Variants in MYH1 observed in about 807,000 individuals in gnomAD.
MYH1 encodes myosin heavy chain 1.
MYH1 carries 214 observed loss-of-function variants against 225.6 expected under a neutral mutation model. The ratio of observed to expected loss-of-function variants is 0.95; its 90% CI spans 0.85 to 1.06. The LOEUF is 1.06. MYH1 is among the 50% of genes least tolerant of loss of function. The probability of loss-of-function intolerance (pLI) is 0.00; values close to 1 mark genes in which losing one functional copy is unlikely to be tolerated. For synonymous variants in MYH1, 774 were observed against 842.3 expected, an observed-to-expected ratio of 0.92 and a Z score of 1.40; for missense variants, 2,098 against 2,344.2, an observed-to-expected ratio of 0.89 and a Z score of 2.17.
chr17:10,516,157 T>C, intron 4 of MYH1, 42 bp downstream of exon 4: 1 of 1,613,638 alleles, frequency 6.2e-7, no homozygotes, highest in Non-Finnish European at 8.5e-7. Context: ...TCAAAAACTA[T>C]TAACTACTCT....
intron 16 of MYH1, 47 bp downstream of exon 16, chr17:10,508,313 CTAG>C (rs1325986195): frequency 8.5e-6 from 13 of 1,529,474 alleles, no homozygotes; most frequent in Non-Finnish European, 1.1e-5. Flanking sequence ...TGTCTGGCCT[CTAG>C]TTATGTTTTA....
intron 36 of MYH1, 36 bp downstream of exon 36, chr17:10,495,156 T>C: frequency 6.2e-7 from 1 of 1,614,174 alleles, no homozygotes; most frequent in East Asian, 2.2e-5. Context: ...ACATTAAGAT[T>C]TAAGTTTGAC....
rs1311378802 is a variant in MYH1, at chr17:10,501,063, A to G, written c.3738+47T>C. 5 of 1,601,822 alleles carry G rather than the reference A, an allele frequency of 3.1e-6. No individual in the cohort carries two copies. The East Asian group carries it at 1.1e-4, about 36-fold the overall frequency. On this transcript the variant is annotated intron_variant, in intron 27 of 39. Coordinates refer to ENST00000226207, the MANE Select transcript of MYH1 (RefSeq NM_005963.4). ...GAGATACAAATCATATTTGTGCTAA[A>G]GGGAAAAACAAAAAACCAAATAATC... is the stretch of plus-strand genomic sequence containing the variant.
rs370250979 is a variant in MYH1, at chr17:10,501,929, A to G, written c.3112-18T>C. 7.0e-5 allele frequency: 111 copies of G among 1,594,238 alleles called. 1 individual carries two copies. Among genetic ancestry groups the G allele is most frequent in the Non-Finnish European group, 8.9e-5 (104 of 1,173,642 alleles). On this transcript the variant is annotated intron_variant, in intron 24 of 39. Coordinates refer to ENST00000226207, the MANE Select transcript of MYH1 (RefSeq NM_005963.4). ...CCTTCAAGCTAAAAGTTAATAATCC[A>G]TGAATATGGTTCTTAGAATGGTAGC...
chr17:10,498,851 T>C, intron 29 of MYH1, 29 bp from the exon 30 acceptor site: 2 of 1,612,386 alleles, frequency 1.2e-6, no homozygotes, highest in Non-Finnish European at 8.5e-7. Context: ...ATGACTTAAT[T>C]TTATATATTT....
rs1445033072 is a variant in MYH1, at chr17:10,508,352, T to C, written c.1897+11A>G. 1 of 1,580,862 alleles carries C rather than the reference T, an allele frequency of 6.3e-7. No individual in the cohort carries two copies. The highest frequency in any genetic ancestry group is 8.6e-7 in the Non-Finnish European group (1 of 1,164,576). ...TACATTAGGTAAAAGATTAATTATA[T>C]TGATAATTACCTGCTTCCGCTCCCG... On this transcript the variant is annotated intron_variant, in intron 16 of 39. Coordinates refer to ENST00000226207, the MANE Select transcript of MYH1 (RefSeq NM_005963.4).
At chr17:10,498,287 C>T (rs898053791) in intron 30 of MYH1, among the ~76,000 whole-genome samples, 1 of 152,228 alleles carries the variant, frequency 6.6e-6, no homozygotes. Flanking sequence ...AGAGTCTGTA[C>T]TGTACTAATC....
At chr17:10,516,792 TG>T in intron 2 of MYH1, 110 bp from the exon 3 acceptor site, 1 of 897,938 alleles carries the variant, frequency 1.1e-6, no homozygotes. Context: ...AGCATTGCAT[TG>T]GGTATGACCA....
At chr17:10,496,665 T>A in intron 33 of MYH1, 116 bp from the exon 34 acceptor site, 1 of 1,485,168 alleles carries the variant, frequency 6.7e-7, no homozygotes, top group Non-Finnish European at 9.1e-7. Context: ...TAAGTAGTAG[T>A]AAGATTTAAA....
chr17:10,492,846 G>GTTTTTTT (rs61147841), intron 39 of MYH1, among the ~76,000 whole-genome samples: 3 of 146,504 alleles, frequency 2.0e-5, no homozygotes, highest in South Asian at 2.2e-4. Context: ...GTCCAGCTTT[G>GTTTTTTT]TTTTTTTTTT....
rs775824066 is a variant in MYH1 at position 10,498,828 on chromosome 17, A to G, written c.3985-6T>C. On this transcript the variant is annotated splice_region_variant and splice_polypyrimidine_tract_variant and intron_variant, in intron 29 of 39. Coordinates refer to ENST00000226207, the MANE Select transcript of MYH1 (RefSeq NM_005963.4). The stretch of plus-strand genomic sequence containing the variant: ...TGTGCCAGGGCACTCTTGGCCTGAG[A>G]ACATAGAGATTGATGACTTAATTTT... 1 of 1,614,074 alleles carries G rather than the reference A, an allele frequency of 6.2e-7. No individual in the cohort carries two copies. The highest frequency in any genetic ancestry group is 8.5e-7 in the Non-Finnish European group (1 of 1,179,978).
Position 10,497,892 on chromosome 17 carries a change from C to A in MYH1, c.4207G>T (p.Asp1403Tyr). The change falls in exon 31 of 40, where the codon GAT becomes TAT. Residue 1403 changes from aspartate (D) to tyrosine (Y), a missense_variant. Physicochemically the swap from Asp to Tyr is radical, Grantham distance 160 (BLOSUM62 -3). Transcript: ENST00000226207. ...ACAGCTTCTACATGTTCCTCAGCAT[C>A]CTGCAGACGCTGAGCCAGCTTCTTC... Reference protein sequence around the residue: ...AKKKLAQRLQDAEEHVEAVNA... With the variant: ...AKKKLAQRLQYAEEHVEAVNA... 1.9e-6 allele frequency: 3 copies of A among 1,604,594 alleles called. No individual in the cohort carries two copies. The highest frequency in any genetic ancestry group is 1.7e-6 in the Non-Finnish European group (2 of 1,177,832).
Position 10,515,955 on chromosome 17 carries a change from G to A in MYH1, c.476C>T (p.Ser159Phe). The change falls in exon 5 of 40, where the codon TCT becomes TTT. Residue 159 changes from serine to phenylalanine, a missense_variant. Transcript: ENST00000226207. ...CAGCATGAACTGATAGGCATTGTCA[G>A]AGATGGAGAAGATGTGGGGTGGGGC... is the stretch of plus-strand genomic sequence containing the variant. Reference protein sequence around the residue: ...QEAPPHIFSISDNAYQFMLTD... With the variant: ...QEAPPHIFSIFDNAYQFMLTD... The A allele has an allele frequency of 4.3e-6, 7 of 1,614,212 alleles. No homozygotes were observed. Among genetic ancestry groups the A allele is most frequent in the Non-Finnish European group, 5.9e-6 (7 of 1,180,038 alleles).
chr17:10,494,223 C>T, intron 39 of MYH1, 131 bp downstream of exon 39: 1 of 857,612 alleles, frequency 1.2e-6, no homozygotes, highest in Non-Finnish European at 1.8e-6. Flanking sequence ...TTTACCTCAG[C>T]CTTGGACCTC....
chr17:10,501,295 C>T lies in MYH1; in HGVS notation c.3553G>A (p.Ala1185Thr). 1 of 1,614,210 alleles carries T rather than the reference C, an allele frequency of 6.2e-7. No homozygotes were observed. Among genetic ancestry groups the T allele is most frequent in the Non-Finnish European group, 8.5e-7 (1 of 1,180,040 alleles). ...FQKMRRDLEEATLQHEATAAT... is the reference protein window; with the variant it reads ...FQKMRRDLEETTLQHEATAAT... ...GCCGTGGCTTCATGCTGTAGGGTGG[C>T]CTCCTCCAGGTCCCTGCGCATTTTC... The change falls in exon 27 of 40, where the codon GCC becomes ACC. Residue 1185 changes from alanine to threonine, a missense_variant. Transcript: ENST00000226207.
intron 14 of MYH1, 42 bp from the exon 15 acceptor site, chr17:10,509,697 G>A: frequency 1.9e-6 from 3 of 1,614,078 alleles, no homozygotes; most frequent in Non-Finnish European, 2.5e-6. Flanking sequence ...AATTTATAAT[G>A]AAATCTTCTC....
intron 2 of MYH1, 103 bp from the exon 3 acceptor site, chr17:10,516,785 A>G: frequency 2.0e-6 from 2 of 984,342 alleles, no homozygotes; most frequent in East Asian, 2.6e-5. Flanking sequence ...AGTGCTTAGC[A>G]TTGCATTGGG....
At position 10,497,740 on chromosome 17, in the gene MYH1, A is replaced by G; in HGVS notation, c.4359T>C (p.Phe1453=). The G allele has an allele frequency of 6.2e-7, 1 of 1,613,844 alleles. No homozygotes were observed. Among genetic ancestry groups the G allele is most frequent in the Non-Finnish European group, 8.5e-7 (1 of 1,179,974 alleles). Residue 1453 remains phenylalanine, a synonymous_variant, in exon 31 of 40, where the codon TTT becomes TTC. Coordinates refer to ENST00000226207, the MANE Select transcript of MYH1 (RefSeq NM_005963.4). ...CAALDKKQRN[F]DKILAEWKQK... ...CAAAAACTGGAGAGAATACCTTATCAAAGTTCCTTTGCTTTTTGTCCAGGG... is the reference window on the plus strand; with the variant it reads ...CAAAAACTGGAGAGAATACCTTATCGAAGTTCCTTTGCTTTTTGTCCAGGG...
chr17:10,513,025 T>G, intron 9 of MYH1, 60 bp from the exon 10 acceptor site: 1 of 1,186,282 alleles, frequency 8.4e-7, no homozygotes, highest in Non-Finnish European at 1.2e-6. Flanking sequence ...CTGGAGTGAT[T>G]TGAGGACTTG....
Sources: gnomAD v4.1 joint callset for allele counts (sites outside exome capture counted in the v4.1 genomes callset) on GRCh38, gnomAD v4.1.1 for gene constraint, MANE v1.5 for transcripts, NCBI Gene and HGNC (gene_info 2026-07-23, HGNC 2026-07-21) for gene names.